MARCHF1: variants seen among roughly 807,000 people sequenced by gnomAD.
MARCHF1 encodes the protein membrane associated ring-CH-type finger 1.
A neutral mutation model predicts 54.2 loss-of-function variants in MARCHF1; 40 were observed. That is an observed-to-expected ratio of 0.74 (90% CI 0.57 to 0.96). The LOEUF is 0.96. MARCHF1 is among the 40% of genes least tolerant of loss of function. MARCHF1 has a pLI of 0.00. For missense variants in MARCHF1, 586 were observed against 656.5 expected (o/e 0.89, Z 1.17); for synonymous variants, 236 against 236.3 (o/e 1.00, Z 0.01).
At chr4:163,594,753 AACACAAACACACACAC>A (rs1740705107) in intron 7 of MARCHF1, among the ~76,000 whole-genome samples, 1 of 141,974 alleles carries the variant, frequency 7.0e-6, no homozygotes, top group African/African-American at 2.9e-5. Context: ...CTATTATCAA[AACACAAACACACACAC>A]ACACACACAC....
intron 5 of MARCHF1, among the ~76,000 whole-genome samples, chr4:163,671,974 T>G (rs1455439564): frequency 6.6e-6 from 1 of 152,198 alleles, no homozygotes; most frequent in Non-Finnish European, 1.5e-5. Flanking sequence ...ATTGTTCAGA[T>G]AAAGAAAAGA....
intron 3 of MARCHF1, among the ~76,000 whole-genome samples, chr4:163,868,082 C>T (rs115791756): frequency 1.6e-3 from 237 of 152,034 alleles, no homozygotes; most frequent in African/African-American, 5.1e-3. Context: ...TTCTGCCTCA[C>T]CACCTGCTCT....
chr4:164,294,886 C>T (rs1734373661), intron 1 of MARCHF1, among the ~76,000 whole-genome samples: 1 of 152,120 alleles, frequency 6.6e-6, no homozygotes, highest in African/African-American at 2.4e-5. Flanking sequence ...ACAGAGGACA[C>T]TAAACCTCAG....
At chr4:163,828,840 A>C (rs1436518222) in intron 4 of MARCHF1, 1 of 152,216 alleles carries the variant, frequency 6.6e-6, no homozygotes, top group African/African-American at 2.4e-5. Flanking sequence ...TTTGAAGGTA[A>C]ATTGATTAGA....
At chr4:163,804,555 A>C (rs1748173381) in intron 4 of MARCHF1, among the ~76,000 whole-genome samples, 1 of 152,236 alleles carries the variant, frequency 6.6e-6, no homozygotes, top group Admixed American at 6.5e-5. Flanking sequence ...TCAGTGGTCT[A>C]TAAGTAAACT....
At chr4:164,142,641 G>A (rs925019590) in intron 1 of MARCHF1, among the ~76,000 whole-genome samples, 18 of 152,174 alleles carry the variant, frequency 1.2e-4, no homozygotes, top group Admixed American at 6.5e-4. Flanking sequence ...CTAACAAACA[G>A]AAAGGACATC....
chr4:163,590,178 C>G (rs1740543323), intron 7 of MARCHF1, among the ~76,000 whole-genome samples: 2 of 150,956 alleles, frequency 1.3e-5, no homozygotes. Context: ...GCTCCCTGCC[C>G]CCATCCTTTG....
chr4:163,712,211 A>G (rs1561032929), intron 4 of MARCHF1, among the ~76,000 whole-genome samples: 1 of 152,164 alleles, frequency 6.6e-6, no homozygotes. Flanking sequence ...TAATGGCCAT[A>G]TATTTTTTAA....
chr4:164,012,758 C>T (rs2110946442), intron 2 of MARCHF1, among the ~76,000 whole-genome samples: 1 of 152,190 alleles, frequency 6.6e-6, no homozygotes, highest in African/African-American at 2.4e-5. Flanking sequence ...GGGAATTCTC[C>T]CTTATCTTAC....
intron 1 of MARCHF1, among the ~76,000 whole-genome samples, chr4:164,132,263 A>C (rs1258107759): frequency 6.6e-6 from 1 of 151,998 alleles, no homozygotes; most frequent in African/African-American, 2.4e-5. Flanking sequence ...TAGCCTCTTC[A>C]CCTTAATTTT....
intron 1 of MARCHF1, among the ~76,000 whole-genome samples, chr4:164,209,044 ATGTT>A (rs1272122914): frequency 6.6e-6 from 1 of 150,382 alleles, no homozygotes; most frequent in Non-Finnish European, 1.5e-5. Flanking sequence ...TATATATAAA[ATGTT>A]TGTGTGTGTG....
At chr4:164,078,211 G>C (rs556197156) in intron 2 of MARCHF1, among the ~76,000 whole-genome samples, 1 of 152,212 alleles carries the variant, frequency 6.6e-6, no homozygotes, top group South Asian at 2.1e-4. Context: ...ATAAGAAAAG[G>C]ATGAGTTCAT....
intron 4 of MARCHF1, among the ~76,000 whole-genome samples, chr4:163,718,046 T>C (rs566254490): frequency 6.6e-6 from 1 of 152,220 alleles, no homozygotes; most frequent in South Asian, 2.1e-4. Flanking sequence ...AAACAAGAAA[T>C]GGGCAAAGGA....
At chr4:164,042,699 T>C (rs1217746945) in intron 2 of MARCHF1, among the ~76,000 whole-genome samples, 1 of 152,196 alleles carries the variant, frequency 6.6e-6, no homozygotes, top group African/African-American at 2.4e-5. Context: ...CATTTCAGCA[T>C]TAACTCAAAA....
At chr4:164,108,761 T>C (rs1009994257) in intron 2 of MARCHF1, among the ~76,000 whole-genome samples, 1 of 152,068 alleles carries the variant, frequency 6.6e-6, no homozygotes, top group African/African-American at 2.4e-5. Context: ...AACCAGAAAG[T>C]AGAGTTATTT....
rs116126495 is a variant in MARCHF1 at position 163,813,662 on chromosome 4, A to T, written c.111+40359T>A. On this transcript the variant is annotated intron_variant, in intron 4 of 9. Coordinates refer to ENST00000514618, the MANE Select transcript of MARCHF1 (RefSeq NM_001394959.1). ...TAAATATTAAGCAGCATCTGTCAAA[A>T]ATAAAACTATAAAGTGAAGAAATGA... is the stretch of plus-strand genomic sequence containing the variant. Among the ~76,000 whole-genome samples the T allele has an allele frequency of 6.2e-3, 948 of 152,336 alleles. 6 individuals are homozygous for T. Among genetic ancestry groups the T allele is most frequent in the South Asian group, 0.016 (77 of 4,830 alleles).
At chr4:164,007,673 TG>T (rs1753327597) in intron 2 of MARCHF1, among the ~76,000 whole-genome samples, 4 of 151,832 alleles carry the variant, frequency 2.6e-5, no homozygotes, top group African/African-American at 9.6e-5. Context: ...TGTGTGTGTG[TG>T]TGTGTGTGTG....
intron 3 of MARCHF1, among the ~76,000 whole-genome samples, chr4:163,960,814 TAA>T (rs70948681): frequency 0.064 from 8,595 of 134,630 alleles, 489 homozygotes; most frequent in East Asian, 0.19. Context: ...AAATAAAAGA[TAA>T]AAAAAAAAAA....
intron 4 of MARCHF1, among the ~76,000 whole-genome samples, chr4:163,804,194 A>C (rs949185476): frequency 2.6e-5 from 4 of 152,156 alleles, no homozygotes; most frequent in African/African-American, 9.7e-5. Flanking sequence ...AGCCTCTCAC[A>C]TTTTCATAAT....
Sources: allele counts gnomAD v4.1 joint callset (sites outside exome capture counted in the v4.1 genomes callset), GRCh38; gene constraint gnomAD v4.1.1; transcripts MANE v1.5; gene names NCBI Gene and HGNC (gene_info 2026-07-23, HGNC 2026-07-21).